The following TDRD6 variants were observed in gnomAD, a reference collection of about 807,000 sequenced individuals.
TDRD6 encodes tudor domain-containing protein 6.
TDRD6 carries 186 observed loss-of-function variants against 157.5 expected under a neutral mutation model. That is an observed-to-expected ratio of 1.18 (90% CI 1.05 to 1.33). The LOEUF is 1.33. TDRD6 is among the 40% of genes most tolerant of loss of function. TDRD6 has a pLI of 0.00. For synonymous variants in TDRD6, 1,075 were observed against 945.2 expected, an observed-to-expected ratio of 1.14 and a Z score of -2.52; for missense variants, 3,066 against 2,508.0, an observed-to-expected ratio of 1.22 and a Z score of -4.75.
In TDRD6 at chr6:46,691,672, G is replaced by GA; in HGVS notation, c.3551dup (p.Asn1184LysfsTer2). ...CTGTTCTACAACTGAAACTCTTGAAGAAAAAAATGAGAATATGAAGTTGCC... is the reference window on the plus strand; with the variant it reads ...CTGTTCTACAACTGAAACTCTTGAAGAAAAAAAATGAGAATATGAAGTTGCC... On this transcript the variant is annotated frameshift_variant, in exon 1 of 4. Transcript: ENST00000316081. LOFTEE classifies it high-confidence loss of function. The GA allele has an allele frequency of 6.2e-7, 1 of 1,611,272 alleles. No homozygotes were observed. Among genetic ancestry groups the GA allele is most frequent in the East Asian group, 2.2e-5 (1 of 44,788 alleles).
chr6:46,697,647 G>A (rs888961590), intron 2 of TDRD6, among the ~76,000 whole-genome samples: 22 of 151,672 alleles, frequency 1.5e-4, no homozygotes, highest in African/African-American at 5.1e-4. Context: ...AGCACTTTGG[G>A]AGGCCAAGGC....
upstream of TDRD6, among the ~76,000 whole-genome samples, chr6:46,684,210 A>C (rs1160675200): frequency 6.6e-6 from 1 of 152,168 alleles, no homozygotes; most frequent in Non-Finnish European, 1.5e-5. Flanking sequence ...AATTTTTAAA[A>C]GCTTTTTATT....
Position 46,693,450 on chromosome 6 carries a change from T to A in TDRD6, c.5322T>A (p.Asp1774Glu). ...KPSNFRDPKT[D>E]NICEGFENPC... is the part of the protein sequence containing the mutation. ...GTAACTTCCGTGACCCTAAAACTGA[T>A]AACATTTGTGAAGGGTTTGAAAACC... is the stretch of plus-strand genomic sequence containing the variant. Residue 1774 changes from aspartate (D) to glutamate (E), a missense_variant, in exon 1 of 4, where the codon GAT becomes GAA. Physicochemically the swap from Asp to Glu is conservative, Grantham distance 45. Coordinates refer to ENST00000316081, the MANE Select transcript of TDRD6 (RefSeq NM_001010870.3). The A allele has an allele frequency of 6.2e-7, 1 of 1,614,032 alleles. No homozygotes were observed. The highest frequency in any genetic ancestry group is 8.5e-7 in the Non-Finnish European group (1 of 1,179,988).
Position 46,689,988 on chromosome 6 carries a change from TA to T in TDRD6, c.1865del (p.Lys622ArgfsTer8). ...TWSQEAVSFF[K>X]KTVLHKELVI... ...GGAGCCAGGAGGCAGTTTCCTTTTT[TA>T]AAAAGACTGTGCTCCACAAAGAATT... is the stretch of plus-strand genomic sequence containing the variant. On this transcript the variant is annotated frameshift_variant, in exon 1 of 4. Coordinates refer to ENST00000316081, the MANE Select transcript of TDRD6 (RefSeq NM_001010870.3). LOFTEE classifies it high-confidence loss of function. 1 of 1,613,390 alleles carries T rather than the reference TA, an allele frequency of 6.2e-7. No individual in the cohort carries two copies. Among genetic ancestry groups the T allele is most frequent in the Non-Finnish European group, 8.5e-7 (1 of 1,179,728 alleles).
the TDRD6 span, among the ~76,000 whole-genome samples, chr6:46,681,877 T>G: frequency 6.6e-6 from 1 of 152,066 alleles, no homozygotes; most frequent in South Asian, 2.1e-4. Context: ...TAATGAAAAT[T>G]CATAAAGACA....
upstream of TDRD6, among the ~76,000 whole-genome samples, chr6:46,682,904 T>C (rs1645110003): frequency 6.6e-6 from 1 of 151,944 alleles, no homozygotes; most frequent in South Asian, 2.1e-4. Context: ...TATTGTCAAA[T>C]TGATCTCTAC....
chr6:46,687,961 C>A lies in TDRD6; in HGVS notation c.-168C>A. On this transcript the variant is annotated 5_prime_UTR_variant, in exon 1 of 4. Coordinates refer to ENST00000316081, the MANE Select transcript of TDRD6 (RefSeq NM_001010870.3). ...GTCCGTGGCGGGAGTCCCGGAGGAC[C>A]CTCGACGGGGGAGTTGCCGAGAAAA... 1 of 1,124,748 alleles carries A rather than the reference C, an allele frequency of 8.9e-7. No homozygotes were observed. The highest frequency in any genetic ancestry group is 1.2e-6 in the Non-Finnish European group (1 of 845,472). The allele number at this position is 1,124,748 out of a possible 1,614,324, so 69.7% of individuals were successfully genotyped here.
At chr6:46,700,949 T>G in intron 3 of TDRD6, 1 of 375,610 alleles carries the variant, frequency 2.7e-6, no homozygotes, top group South Asian at 2.1e-5. Flanking sequence ...TTGAATTATT[T>G]TGTACTCGTG....
Position 46,688,051 on chromosome 6 carries a change from C to A in TDRD6, c.-78C>A, listed in dbSNP as rs987999206. The A allele has an allele frequency of 1.1e-5, 15 of 1,395,154 alleles. No individual in the cohort carries two copies. In the African/African-American group the frequency reaches 2.1e-4, roughly 20 times the overall value. The allele number at this position is 1,395,154 out of a possible 1,614,324, so 86.4% of individuals were successfully genotyped here. On this transcript the variant is annotated 5_prime_UTR_variant, in exon 1 of 4. Coordinates refer to ENST00000316081, the MANE Select transcript of TDRD6 (RefSeq NM_001010870.3). The stretch of plus-strand genomic sequence containing the variant: ...ACCTAGTTTGGCTGGGACTCGCCTT[C>A]AGGCGGCGCGGAGGATTTCGAGGCC...
intron 1 of TDRD6, among the ~76,000 whole-genome samples, chr6:46,695,507 T>A (rs1562059711): frequency 1.3e-5 from 2 of 152,184 alleles, no homozygotes; most frequent in Admixed American, 6.5e-5. Context: ...ATGGCTGTTG[T>A]AAGTATAAAA....
At position 46,693,667 on chromosome 6, in the gene TDRD6, G is replaced by C. The variant is rs764696875; in HGVS notation, c.5539G>C (p.Glu1847Gln). Reference protein sequence around the residue: ...VPLSPDDESKEFLELESIELQ... With the variant: ...VPLSPDDESKQFLELESIELQ... ...GCTTTCTCCTGATGATGAATCAAAA[G>C]AATTCTTAGAACTGGAATCTATTGA... The change falls in exon 1 of 4, where the codon GAA (glutamate) becomes CAA (glutamine). Residue 1847 changes from glutamate (E) to glutamine (Q), a missense_variant. Transcript: ENST00000316081. The C allele has an allele frequency of 6.2e-7, 1 of 1,614,054 alleles. No individual in the cohort carries two copies. Among genetic ancestry groups the C allele is most frequent in the Non-Finnish European group, 8.5e-7 (1 of 1,180,034 alleles).
chr6:46,690,787 T>G lies in TDRD6; in HGVS notation c.2659T>G (p.Leu887Val). 6.2e-7 allele frequency: 1 copy of G among 1,614,112 alleles called. No individual in the cohort carries two copies. Among genetic ancestry groups the G allele is most frequent in the Non-Finnish European group, 8.5e-7 (1 of 1,180,004 alleles). The part of the protein sequence containing the change: ...AQAFRCSLYN[L>V]IQPVGQNPFV... ...GGCTTTTAGGTGCAGTCTTTATAATTTAATTCAACCAGTTGGCCAGAATCC... is the reference window on the plus strand; with the variant it reads ...GGCTTTTAGGTGCAGTCTTTATAATGTAATTCAACCAGTTGGCCAGAATCC... Residue 887 changes from leucine to valine, a missense_variant, in exon 1 of 4, where the codon TTA (leucine) becomes GTA (valine). Physicochemically the swap from Leu to Val is conservative, Grantham distance 32 (BLOSUM62 1). Transcript: ENST00000316081.
chr6:46,693,313 C>CTTAAGTAATAAAAAAAA lies in TDRD6; in HGVS notation c.5190_5191insTAATAAAAAAAATTAAG (p.Lys1731Ter). 1 of 1,605,568 alleles carries CTTAAGTAATAAAAAAAA rather than the reference C, an allele frequency of 6.2e-7. No individual in the cohort carries two copies. The highest frequency in any genetic ancestry group is 8.5e-7 in the Non-Finnish European group (1 of 1,177,884). On this transcript the variant is annotated stop_gained and frameshift_variant, in exon 1 of 4. Transcript: ENST00000316081. LOFTEE classifies it high-confidence loss of function. ...TGGGTCCTACAATCTTGATGTAGGA[C>CTTAAGTAATAAAAAAAA]TTAAGAAATTAAGTAATAAAGCTGT...
intron 2 of TDRD6, among the ~76,000 whole-genome samples, chr6:46,696,595 A>G (rs1336423066): frequency 2.9e-5 from 1 of 34,054 alleles, no homozygotes; most frequent in Non-Finnish European, 6.1e-5. Context: ...ATATATATAT[A>G]TATATATTTT....
chr6:46,693,543 A>G lies in TDRD6; in HGVS notation c.5415A>G (p.Ala1805=), dbSNP rs1250008029. ...TAGAGTGCCATCTGGTTGACAAAGCAGAGTTTGATGATAAATACCTGATTA... is the reference window on the plus strand; with the variant it reads ...TAGAGTGCCATCTGGTTGACAAAGCGGAGTTTGATGATAAATACCTGATTA... ...GELECHLVDK[A]EFDDKYLITG... The change falls in exon 1 of 4, where the codon GCA becomes GCG. Residue 1805 remains alanine (A), a synonymous_variant. Coordinates refer to ENST00000316081, the MANE Select transcript of TDRD6 (RefSeq NM_001010870.3). 1.2e-6 allele frequency: 2 copies of G among 1,614,082 alleles called. No homozygotes were observed. Among genetic ancestry groups the G allele is most frequent in the African/African-American group, 1.3e-5 (1 of 75,058 alleles).
At position 46,688,303 on chromosome 6, in the gene TDRD6, C is replaced by T; in HGVS notation, c.175C>T (p.Gln59Ter). The change falls in exon 1 of 4, where the codon CAG (glutamine) becomes TAG (stop). Residue 59 changes from glutamine to a stop codon, truncating the protein, a stop_gained. Coordinates refer to ENST00000316081, the MANE Select transcript of TDRD6 (RefSeq NM_001010870.3). LOFTEE classifies it high-confidence loss of function. ...EIQEAAATRG[Q>*]WALGSASASP... ...CCAGGAAGCGGCGGCCACGCGCGGC[C>T]AGTGGGCGCTGGGCAGCGCCTCGGC... 9 of 1,504,434 alleles carry T rather than the reference C, an allele frequency of 6.0e-6. No homozygotes were observed. The highest frequency in any genetic ancestry group is 1.3e-5 in the South Asian group (1 of 79,722). 93.2% of individuals were successfully genotyped at this position (1,504,434 alleles called of 1,614,324 possible).
At chr6:46,695,339 A>G (rs1163218472) in intron 1 of TDRD6, among the ~76,000 whole-genome samples, 5 of 152,150 alleles carry the variant, frequency 3.3e-5, no homozygotes, top group Admixed American at 2.6e-4. Flanking sequence ...CTTTCAAAAT[A>G]TTTTAATTGC....
chr6:46,688,054 G>A lies in TDRD6; in HGVS notation c.-75G>A, dbSNP rs1323221949. The A allele has an allele frequency of 1.4e-6, 2 of 1,396,956 alleles. No homozygotes were observed. Among genetic ancestry groups the A allele is most frequent in the Non-Finnish European group, 9.2e-7 (1 of 1,083,934 alleles). 86.5% of individuals were successfully genotyped at this position (1,396,956 alleles called of 1,614,324 possible). On this transcript the variant is annotated 5_prime_UTR_variant, in exon 1 of 4. Coordinates refer to ENST00000316081, the MANE Select transcript of TDRD6 (RefSeq NM_001010870.3). ...TAGTTTGGCTGGGACTCGCCTTCAGGCGGCGCGGAGGATTTCGAGGCCCTG... is the reference window on the plus strand; with the variant it reads ...TAGTTTGGCTGGGACTCGCCTTCAGACGGCGCGGAGGATTTCGAGGCCCTG...
intron 1 of TDRD6, among the ~76,000 whole-genome samples, chr6:46,695,284 A>G (rs1327233181): frequency 3.3e-5 from 5 of 152,182 alleles, no homozygotes; most frequent in Non-Finnish European, 2.9e-5. Context: ...TTTAGATCAT[A>G]CTATCATACA....
Sources: allele counts gnomAD v4.1 joint callset (sites outside exome capture counted in the v4.1 genomes callset), GRCh38; gene constraint gnomAD v4.1.1; transcripts MANE v1.5; gene names NCBI Gene and HGNC (gene_info 2026-07-23, HGNC 2026-07-21).